The following FER1L6 variants were observed in gnomAD, a reference collection of about 807,000 sequenced individuals.
FER1L6 encodes fer-1-like protein 6.
In FER1L6, 177 loss-of-function variants were observed where a neutral mutation model predicts 219.2. That is an observed-to-expected ratio of 0.81 (90% CI 0.71 to 0.91). The LOEUF (loss-of-function observed/expected upper bound fraction) is 0.91, where lower values mean the gene tolerates loss of function less well. Ranked by LOEUF, FER1L6 falls within the 40% of genes least tolerant of loss-of-function variation. The pLI is 0.00. For missense variants in FER1L6, 2,153 were observed against 2,259.9 expected, an observed-to-expected ratio of 0.95 and a Z score of 0.96; for synonymous variants, 768 against 824.3, an observed-to-expected ratio of 0.93 and a Z score of 1.17.
chr8:123,862,958 G>T (rs1563665820), intron 1 of FER1L6, among the ~76,000 whole-genome samples: 2 of 145,776 alleles, frequency 1.4e-5, no homozygotes. Context: ...TTTTTGAAGG[G>T]TTTTTTGTGC....
intron 18 of FER1L6, among the ~76,000 whole-genome samples, chr8:124,032,497 G>C (rs1476106870): frequency 6.6e-6 from 1 of 152,054 alleles, no homozygotes; most frequent in Non-Finnish European, 1.5e-5. Flanking sequence ...GGAGGCCAAA[G>C]GGGGGCAGAT....
chr8:123,939,738 A>T lies in FER1L6; in HGVS notation c.-7-16254A>T, dbSNP rs1814155715. Reference sequence around the variant, plus strand: ...GCAGTGACCGGCAGGAAGACTCAGCAGCTGGAGCTGTCAGTCAGCGTGTGC... The same window carrying T: ...GCAGTGACCGGCAGGAAGACTCAGCTGCTGGAGCTGTCAGTCAGCGTGTGC... On this transcript the variant is annotated intron_variant, in intron 1 of 40. Transcript: ENST00000522917. Among the ~76,000 whole-genome samples the T allele has an allele frequency of 2.6e-5, 4 of 152,160 alleles. No homozygotes were observed. In the South Asian group the frequency reaches 8.3e-4, roughly 32 times the overall value.
At chr8:123,908,012 G>C (rs28425543) in intron 1 of FER1L6, among the ~76,000 whole-genome samples, 47,596 of 151,828 alleles carry the variant, frequency 0.31, 8,206 homozygotes, top group Middle Eastern at 0.41. Flanking sequence ...GAACCTCCCA[G>C]AGTTGAGAAC....
intron 1 of FER1L6, among the ~76,000 whole-genome samples, chr8:123,869,019 G>A (rs1386712022): frequency 6.6e-6 from 1 of 152,124 alleles, no homozygotes; most frequent in East Asian, 1.9e-4. Context: ...GAATTTAGAT[G>A]TGCTACTAGA....
intron 38 of FER1L6, among the ~76,000 whole-genome samples, chr8:124,102,189 G>T (rs1020097788): frequency 5.3e-5 from 8 of 152,132 alleles, no homozygotes; most frequent in African/African-American, 1.9e-4. Flanking sequence ...TCCCATCAAT[G>T]GCCTGAACTA....
intron 1 of FER1L6, among the ~76,000 whole-genome samples, chr8:123,872,653 CTG>C (rs1316660264): frequency 6.6e-6 from 1 of 152,144 alleles, no homozygotes; most frequent in Non-Finnish European, 1.5e-5. Flanking sequence ...TATAGAAACT[CTG>C]TACTATCTTT....
intron 18 of FER1L6, among the ~76,000 whole-genome samples, chr8:124,026,590 T>G (rs777367970): frequency 2.6e-5 from 4 of 152,166 alleles, no homozygotes; most frequent in Non-Finnish European, 5.9e-5. Context: ...CATAATGCAT[T>G]CCTCATCCTT....
rs143629292 is a variant in FER1L6 at position 123,942,302 on chromosome 8, G to A, written c.-7-13690G>A. Among the ~76,000 whole-genome samples the A allele has an allele frequency of 5.3e-5, 8 of 152,170 alleles. No homozygotes were observed. In the East Asian group the frequency reaches 1.4e-3, roughly 26 times the overall value. ...CAGGGGTGGCCTCTCAGCCCTCACC[G>A]CCAGGTCCTCTTCTTGTCCCAGCAC... On this transcript the variant is annotated intron_variant, in intron 1 of 40. Coordinates refer to ENST00000522917, the MANE Select transcript of FER1L6 (RefSeq NM_001039112.2).
chr8:124,001,790 T>C (rs1484681426), intron 12 of FER1L6, among the ~76,000 whole-genome samples: 2 of 152,130 alleles, frequency 1.3e-5, no homozygotes, highest in Non-Finnish European at 2.9e-5. Flanking sequence ...GACACAAAAA[T>C]TAGCAAGATA....
At position 124,066,409 on chromosome 8, in the gene FER1L6, T is replaced by C. The variant is rs777602255; in HGVS notation, c.3556-19T>C. ...CAAATGAGGTTGAACTAATAACCCA[T>C]TCCCTCATCCCTTGCCAGGATCCCA... is the stretch of plus-strand genomic sequence containing the variant. On this transcript the variant is annotated intron_variant, in intron 26 of 40. Transcript: ENST00000522917. The C allele has an allele frequency of 6.2e-7, 1 of 1,611,538 alleles. No individual in the cohort carries two copies. Among genetic ancestry groups the C allele is most frequent in the South Asian group, 1.1e-5 (1 of 90,724 alleles).
intron 2 of FER1L6, among the ~76,000 whole-genome samples, chr8:123,959,184 G>C (rs1815159449): frequency 6.6e-6 from 1 of 152,170 alleles, no homozygotes; most frequent in South Asian, 2.1e-4. Context: ...TGCTGTAGAA[G>C]AAGCTTTAGC....
intron 1 of FER1L6, among the ~76,000 whole-genome samples, chr8:123,858,430 C>T (rs775791808): frequency 2.0e-5 from 3 of 152,128 alleles, no homozygotes; most frequent in Non-Finnish European, 4.4e-5. Context: ...ACAGATATAC[C>T]TGAAATCCCA....
At chr8:124,092,733 C>T (rs909809937) in intron 34 of FER1L6, among the ~76,000 whole-genome samples, 4 of 152,148 alleles carry the variant, frequency 2.6e-5, no homozygotes, top group South Asian at 4.1e-4. Context: ...TGGTAGCATC[C>T]GCTTGGCTTC....
rs750420981 is a variant in FER1L6 at position 124,097,882 on chromosome 8, G to C, written c.4882G>C (p.Gly1628Arg). The C allele has an allele frequency of 2.0e-6, 3 of 1,524,270 alleles. No individual in the cohort carries two copies. Among genetic ancestry groups the C allele is most frequent in the Non-Finnish European group, 2.7e-6 (3 of 1,098,422 alleles). The allele number at this position is 1,524,270 out of a possible 1,614,324, so 94.4% of individuals were successfully genotyped here. ...AAAATCAAGTGATATTTATGTGAAA[G>C]GGTAAGGTTATCAACAAACTCCAAC... is the stretch of plus-strand genomic sequence containing the variant. ...GQKSSDIYVK[G>R]WLKGLEDDKQ... Residue 1628 changes from glycine (G) to arginine (R), a missense_variant and splice_region_variant, in exon 37 of 41, where the codon GGG becomes CGG. Physicochemically the swap from Gly to Arg is moderately radical, Grantham distance 125. Coordinates refer to ENST00000522917, the MANE Select transcript of FER1L6 (RefSeq NM_001039112.2).
intron 18 of FER1L6, among the ~76,000 whole-genome samples, chr8:124,027,476 TC>T (rs770668744): frequency 2.8e-4 from 43 of 152,164 alleles, no homozygotes; most frequent in Non-Finnish European, 5.9e-4. Context: ...ACATCCACAT[TC>T]CCAGAGGACA....
At chr8:124,039,606 A>G (rs571392154) in intron 19 of FER1L6, among the ~76,000 whole-genome samples, 2 of 152,190 alleles carry the variant, frequency 1.3e-5, no homozygotes, top group Non-Finnish European at 2.9e-5. Context: ...TATGAAGTGG[A>G]GAGCATGCTA....
chr8:123,960,914 C>A (rs1254559190), intron 2 of FER1L6, among the ~76,000 whole-genome samples: 1 of 152,128 alleles, frequency 6.6e-6, no homozygotes, highest in Non-Finnish European at 1.5e-5. Flanking sequence ...AATTGACCTG[C>A]AGACGGCAGG....
At chr8:124,017,513 T>G (rs1323889250) in intron 15 of FER1L6, 115 bp from the exon 16 acceptor site, 11 of 741,464 alleles carry the variant, frequency 1.5e-5, no homozygotes, top group Non-Finnish European at 2.4e-5. Context: ...AAATATTGGT[T>G]TTATGGCTTC....
At chr8:124,027,606 C>A (rs1401283724) in intron 18 of FER1L6, among the ~76,000 whole-genome samples, 2 of 152,188 alleles carry the variant, frequency 1.3e-5, no homozygotes, top group African/African-American at 2.4e-5. Flanking sequence ...ATTGCCAAGT[C>A]TGGAGTGCAG....
Sources: gnomAD v4.1 joint callset for allele counts (sites outside exome capture counted in the v4.1 genomes callset) on GRCh38, gnomAD v4.1.1 for gene constraint, MANE v1.5 for transcripts, NCBI Gene and HGNC (gene_info 2026-07-23, HGNC 2026-07-21) for gene names.